GPHN: variants seen among roughly 807,000 people sequenced by gnomAD.
GPHN encodes the protein gephyrin.
GPHN carries 17 observed loss-of-function variants against 95.5 expected under a neutral mutation model. The observed-to-expected ratio is 0.18, with a 90% confidence interval of 0.12 to 0.27. GPHN has a LOEUF of 0.27. GPHN is among the 10% of genes least tolerant of loss of function. The pLI is 1.00. For missense variants in GPHN, 660 were observed against 978.1 expected (o/e 0.67, Z 4.34); for synonymous variants, 320 against 322.5 (o/e 0.99, Z 0.08).
intron 12 of GPHN, among the ~76,000 whole-genome samples, 161 bp from the exon 13 acceptor site, chr14:67,100,695 G>A (rs546866527): frequency 9.2e-5 from 14 of 152,272 alleles, no homozygotes; most frequent in South Asian, 8.3e-4. Flanking sequence ...TAAATCAGTC[G>A]TAACAAAGCC....
At chr14:66,579,346 TTATCTA>T (rs778729897) in intron 1 of GPHN, among the ~76,000 whole-genome samples, 34 of 151,820 alleles carry the variant, frequency 2.2e-4, no homozygotes, top group Admixed American at 7.2e-4. Context: ...TTGTATGTCT[TTATCTA>T]TCAAACAAGT....
chr14:67,473,964 A>T, the GPHN span: 2 of 1,559,712 alleles, frequency 1.3e-6, no homozygotes, highest in African/African-American at 1.4e-5. The surrounding 1 kb of genome is among the most constrained non-coding windows in gnomAD (Gnocchi z 6.5). Flanking sequence ...CAAGAGAGAC[A>T]GGTGAGGGCC....
rs560259329 is a variant in GPHN, at chr14:66,641,606, T to C, written c.65-39501T>C. 1.3e-4 allele frequency among the ~76,000 whole-genome samples: 19 copies of C among 151,210 alleles called. No individual in the cohort carries two copies. The South Asian group carries it at 4.0e-3, about 31-fold the overall frequency. On this transcript the variant is annotated intron_variant, in intron 1 of 22. Coordinates refer to ENST00000478722, the MANE Select transcript of GPHN (RefSeq NM_020806.5). Reference sequence around the variant, plus strand: ...CCAAATATACTGGGAGAATTTATGATGCTGTCAGTAGTACCAACCATCAAT... The same window carrying C: ...CCAAATATACTGGGAGAATTTATGACGCTGTCAGTAGTACCAACCATCAAT...
the GPHN span, among the ~76,000 whole-genome samples, chr14:67,521,669 T>C: frequency 6.6e-6 from 1 of 152,160 alleles, no homozygotes; most frequent in Non-Finnish European, 1.5e-5. Flanking sequence ...AATTCATCCA[T>C]AAAGCATTAA....
chr14:67,125,196 G>A (rs1305401922), intron 17 of GPHN, among the ~76,000 whole-genome samples: 1 of 152,116 alleles, frequency 6.6e-6, no homozygotes, highest in Non-Finnish European at 1.5e-5. Context: ...GGTCCAGAGT[G>A]AATGGTGTAG....
chr14:67,138,560 AAG>A (rs917909958), intron 17 of GPHN, among the ~76,000 whole-genome samples: 3 of 152,184 alleles, frequency 2.0e-5, no homozygotes, highest in African/African-American at 7.2e-5. Flanking sequence ...GTTAAAAATG[AAG>A]AGTCTGGGGG....
chr14:66,571,290 G>A (rs2060680107), intron 1 of GPHN, among the ~76,000 whole-genome samples: 1 of 152,110 alleles, frequency 6.6e-6, no homozygotes, highest in Non-Finnish European at 1.5e-5. Flanking sequence ...GAACAGCATG[G>A]GGAAAACTGC....
intron 9 of GPHN, among the ~76,000 whole-genome samples, chr14:66,978,947 A>AT (rs1276943189): frequency 6.6e-6 from 1 of 152,196 alleles, no homozygotes; most frequent in African/African-American, 2.4e-5. Flanking sequence ...CTCCTTGTAT[A>AT]TCCCAATCAG....
At chr14:66,548,329 C>T (rs1306162850) in intron 1 of GPHN, among the ~76,000 whole-genome samples, 1 of 151,852 alleles carries the variant, frequency 6.6e-6, no homozygotes, top group Non-Finnish European at 1.5e-5. Flanking sequence ...TACGGGCGCC[C>T]ACTACCATGC....
chr14:67,363,729 A>G, the GPHN span, among the ~76,000 whole-genome samples: 5 of 152,228 alleles, frequency 3.3e-5, no homozygotes, highest in African/African-American at 1.2e-4. Flanking sequence ...GGAAAGATAC[A>G]TAAGTCAGTG....
chr14:67,044,599 T>C (rs118135976), intron 10 of GPHN, among the ~76,000 whole-genome samples: 1 of 152,184 alleles, frequency 6.6e-6, no homozygotes, highest in South Asian at 2.1e-4. Context: ...AACTATACTT[T>C]ATAACATCTT....
At chr14:66,689,809 G>T (rs1011455956) in intron 2 of GPHN, among the ~76,000 whole-genome samples, 1 of 151,958 alleles carries the variant, frequency 6.6e-6, no homozygotes, top group East Asian at 1.9e-4. Flanking sequence ...TTTCTAATTT[G>T]TTGGCGTATA....
intron 1 of GPHN, among the ~76,000 whole-genome samples, chr14:66,594,816 A>G (rs959847609): frequency 5.9e-5 from 9 of 152,218 alleles, no homozygotes; most frequent in African/African-American, 2.2e-4. Context: ...AAATAGACAA[A>G]TAGGATGACA....
At chr14:67,272,868 C>T in the GPHN span, among the ~76,000 whole-genome samples, 17 of 152,138 alleles carry the variant, frequency 1.1e-4, no homozygotes, top group South Asian at 3.1e-3. Flanking sequence ...GGGGTATCAC[C>T]ATATTGCCCA....
chr14:66,828,827 C>T (rs2061476809), intron 4 of GPHN, among the ~76,000 whole-genome samples: 1 of 149,776 alleles, frequency 6.7e-6, no homozygotes, highest in Non-Finnish European at 1.5e-5. Flanking sequence ...TAAAGTTTAT[C>T]TTCTTTATTA....
the GPHN span, among the ~76,000 whole-genome samples, chr14:67,567,753 C>T: frequency 6.6e-6 from 1 of 152,138 alleles, no homozygotes; most frequent in South Asian, 2.1e-4. Flanking sequence ...ATGCCATCTC[C>T]TAGCCCATCT....
At chr14:67,028,427 T>A (rs2074031022) in intron 10 of GPHN, among the ~76,000 whole-genome samples, 1 of 152,206 alleles carries the variant, frequency 6.6e-6, no homozygotes, top group Non-Finnish European at 1.5e-5. Context: ...ATTTGTAGTT[T>A]TTTGAGGGAG....
At chr14:67,439,589 C>A in the GPHN span, among the ~76,000 whole-genome samples, 1 of 123,588 alleles carries the variant, frequency 8.1e-6, no homozygotes, top group African/African-American at 3.7e-5. Flanking sequence ...TTCTTTCTTT[C>A]TTTCTTCTTT....
At chr14:67,220,811 CA>C in the GPHN span, among the ~76,000 whole-genome samples, 2 of 152,136 alleles carry the variant, frequency 1.3e-5, no homozygotes, top group Non-Finnish European at 2.9e-5. Flanking sequence ...TGAATATTTG[CA>C]AACTGTATAG....
Sources: allele counts gnomAD v4.1 joint callset (sites outside exome capture counted in the v4.1 genomes callset), GRCh38; gene constraint gnomAD v4.1.1; non-coding constraint Gnocchi (gnomAD v3.1); transcripts MANE v1.5; gene names NCBI Gene and HGNC (gene_info 2026-07-23, HGNC 2026-07-21).